Variants in TENM2 observed in about 807,000 individuals in gnomAD.
The protein encoded by TENM2 is teneurin-2.
Under a neutral mutation model 245.2 loss-of-function variants are expected in TENM2, and 52 were observed. That is an observed-to-expected ratio of 0.21 (90% CI 0.17 to 0.27). The LOEUF (loss-of-function observed/expected upper bound fraction) is 0.27. TENM2 is among the 10% of genes least tolerant of loss of function. TENM2 has a pLI of 1.00. For missense variants in TENM2, 3,046 were observed against 3,666.8 expected, an observed-to-expected ratio of 0.83 and a Z score of 4.37; for synonymous variants, 1,363 against 1,438.9, an observed-to-expected ratio of 0.95 and a Z score of 1.19.
intron 25 of TENM2, among the ~76,000 whole-genome samples, chr5:168,241,388 G>A (rs541074381): frequency 3.3e-5 from 5 of 150,972 alleles, no homozygotes; most frequent in South Asian, 4.2e-4. Flanking sequence ...TTGGGTAGCT[G>A]GGATTATAGA....
chr5:168,155,892 T>TAAAAAAAAAAA (rs55977607), intron 12 of TENM2, among the ~76,000 whole-genome samples: 4 of 96,928 alleles, frequency 4.1e-5, no homozygotes, highest in African/African-American at 7.3e-5. Context: ...CTGGCATCTG[T>TAAAAAAAAAAA]AAAAAAAAAA....
intron 2 of TENM2, among the ~76,000 whole-genome samples, chr5:167,442,812 TTTTC>T (rs1764946692): frequency 6.6e-6 from 1 of 152,118 alleles, no homozygotes; most frequent in Non-Finnish European, 1.5e-5. Context: ...TATGGTCAAA[TTTTC>T]AGTGAGAGCT....
At chr5:167,195,442 G>C in the TENM2 span, among the ~76,000 whole-genome samples, 1 of 151,910 alleles carries the variant, frequency 6.6e-6, no homozygotes, top group Admixed American at 6.6e-5. Flanking sequence ...TTCTGCAAAG[G>C]CTCAAATATT....
At chr5:167,106,175 G>A in the TENM2 span, among the ~76,000 whole-genome samples, 1 of 152,156 alleles carries the variant, frequency 6.6e-6, no homozygotes, top group East Asian at 1.9e-4. Context: ...TAGTTTTCCA[G>A]TATTAAATAA....
chr5:168,109,477 C>G (rs922093813), intron 9 of TENM2, among the ~76,000 whole-genome samples: 4 of 152,158 alleles, frequency 2.6e-5, no homozygotes, highest in Admixed American at 6.5e-5. Context: ...GACCCTTGCC[C>G]AGGTATGGTT....
intron 9 of TENM2, among the ~76,000 whole-genome samples, chr5:168,101,692 A>G (rs1793827931): frequency 6.6e-6 from 1 of 152,218 alleles, no homozygotes; most frequent in African/African-American, 2.4e-5. Flanking sequence ...TTGAACTTGT[A>G]TACTTTAATT....
At chr5:167,074,186 A>G in the TENM2 span, among the ~76,000 whole-genome samples, 58 of 152,224 alleles carry the variant, frequency 3.8e-4, no homozygotes, top group Non-Finnish European at 7.5e-4. Flanking sequence ...TAAATTGAAT[A>G]TGTATAGGAC....
the TENM2 span, among the ~76,000 whole-genome samples, chr5:167,226,537 C>T: frequency 1.3e-5 from 2 of 151,860 alleles, no homozygotes; most frequent in African/African-American, 4.8e-5. Flanking sequence ...TTTTAAAAAA[C>T]TTGTCAAAGC....
the TENM2 span, among the ~76,000 whole-genome samples, chr5:167,092,850 G>A: frequency 6.6e-6 from 1 of 152,126 alleles, no homozygotes; most frequent in Non-Finnish European, 1.5e-5. Flanking sequence ...CCTTTCCCCA[G>A]TAAGAGATAC....
At chr5:167,996,651 A>T (rs145707066) in intron 5 of TENM2, among the ~76,000 whole-genome samples, 1 of 152,196 alleles carries the variant, frequency 6.6e-6, no homozygotes, top group East Asian at 1.9e-4. Context: ...TCTTGATAGT[A>T]TGCATAACAA....
the TENM2 span, among the ~76,000 whole-genome samples, chr5:167,116,164 A>C: frequency 6.6e-6 from 1 of 152,184 alleles, no homozygotes; most frequent in Non-Finnish European, 1.5e-5. Context: ...AAGGACTTTG[A>C]AGGATAAACA....
At chr5:167,255,954 A>T in the TENM2 span, among the ~76,000 whole-genome samples, 1 of 152,140 alleles carries the variant, frequency 6.6e-6, no homozygotes. Flanking sequence ...ATTATTAAAG[A>T]GATGTTTGGA....
intron 3 of TENM2, among the ~76,000 whole-genome samples, chr5:167,929,113 G>GAAAT: frequency 1.4e-5 from 1 of 72,020 alleles, no homozygotes; most frequent in South Asian, 5.1e-4. Context: ...AAGAAAGAAA[G>GAAAT]AAAGAAAGAA....
chr5:168,039,691 CCA>C (rs1788015268), intron 5 of TENM2, among the ~76,000 whole-genome samples: 1 of 152,024 alleles, frequency 6.6e-6, no homozygotes, highest in African/African-American at 2.4e-5. Context: ...ACTAGCATTG[CCA>C]GTCAGGTGCA....
chr5:167,853,289 C>CAAAA (rs777170514), intron 2 of TENM2, among the ~76,000 whole-genome samples: 5,431 of 24,258 alleles, frequency 0.22, 1,368 homozygotes, highest in Middle Eastern at 0.31. Flanking sequence ...GACTCCGTCT[C>CAAAA]AAAAAAAAAA....
chr5:167,389,667 G>A (rs992217416), intron 2 of TENM2, among the ~76,000 whole-genome samples: 8 of 152,086 alleles, frequency 5.3e-5, no homozygotes, highest in Admixed American at 6.6e-5. Flanking sequence ...TTCTTAAGAT[G>A]AATTCCTAGA....
In TENM2 at chr5:167,822,495, GTTTAA is replaced by G. The variant is rs1325863096; in HGVS notation, c.503-53485_503-53481del. Among the ~76,000 whole-genome samples the G allele has an allele frequency of 3.9e-5, 6 of 152,162 alleles. No homozygotes were observed. The East Asian group carries it at 1.2e-3, about 29-fold the overall frequency. ...CTTGGGCGCAGAGTCACAGCTTCAT[GTTTAA>G]TTTAACAAAACATTAAACATTTCAT... is the stretch of plus-strand genomic sequence containing the variant. On this transcript the variant is annotated intron_variant, in intron 2 of 28. Transcript: ENST00000518659.
At chr5:167,667,842 G>A (rs573009807) in intron 2 of TENM2, among the ~76,000 whole-genome samples, 4 of 152,274 alleles carry the variant, frequency 2.6e-5, no homozygotes, top group Non-Finnish European at 5.9e-5. Flanking sequence ...GTGAAGGCCA[G>A]GGAATTCACA....
intron 3 of TENM2, among the ~76,000 whole-genome samples, chr5:167,897,086 T>G (rs563105886): frequency 6.6e-6 from 1 of 152,306 alleles, no homozygotes; most frequent in African/African-American, 2.4e-5. Flanking sequence ...CATCAAAGAA[T>G]GGGAGGCAGA....
Sources: gnomAD v4.1 joint callset for allele counts (sites outside exome capture counted in the v4.1 genomes callset) on GRCh38, gnomAD v4.1.1 for gene constraint, MANE v1.5 for transcripts, NCBI Gene and HGNC (gene_info 2026-07-23, HGNC 2026-07-21) for gene names.